Variants in TMPRSS6 observed in about 807,000 individuals in gnomAD.
TMPRSS6 encodes transmembrane protease serine 6.
A neutral mutation model predicts 101.5 loss-of-function variants in TMPRSS6; 67 were observed. That is an observed-to-expected ratio of 0.66 (90% confidence interval 0.54 to 0.81). The LOEUF is 0.81. Ranked by LOEUF, TMPRSS6 falls within the 30% of genes least tolerant of loss-of-function variation. TMPRSS6 has a pLI of 0.00. For synonymous variants in TMPRSS6, 453 were observed against 464.9 expected, an observed-to-expected ratio of 0.97 and a Z score of 0.33; for missense variants, 1,034 against 1,088.7, an observed-to-expected ratio of 0.95 and a Z score of 0.71.
Position 37,103,227 on chromosome 22 carries a change from C to CA in TMPRSS6, c.190dup (p.Trp64LeufsTer37). ...TCCCACAACGTTACCTAGGAAATAC[C>CA]AGAGTAGCACCCCCGCCGAAGCCAG... On this transcript the variant is annotated frameshift_variant, in exon 2 of 18. Transcript: ENST00000676104. LOFTEE classifies it high-confidence loss of function. The surrounding 1 kb of genome is among the most constrained non-coding windows in gnomAD (Gnocchi z 4.4). The CA allele has an allele frequency of 6.2e-7, 1 of 1,613,988 alleles. No individual in the cohort carries two copies. The highest frequency in any genetic ancestry group is 8.5e-7 in the Non-Finnish European group (1 of 1,179,892).
intron 4 of TMPRSS6, among the ~76,000 whole-genome samples, chr22:37,096,397 C>T (rs1482036167): frequency 2.0e-5 from 3 of 152,208 alleles, no homozygotes; most frequent in East Asian, 3.8e-4. Context: ...AACATCGCCT[C>T]GCCTGATGGT....
At chr22:37,091,153 C>G (rs1861751427) in intron 6 of TMPRSS6, among the ~76,000 whole-genome samples, 1 of 152,188 alleles carries the variant, frequency 6.6e-6, no homozygotes, top group Non-Finnish European at 1.5e-5. Context: ...GATCTAGGCA[C>G]CAGGGTCTGC....
intron 10 of TMPRSS6, chr22:37,082,464 TCTC>T (rs1928343835): frequency 6.3e-6 from 1 of 159,646 alleles, no homozygotes; most frequent in Admixed American, 5.7e-5. Flanking sequence ...GAAAACATGT[TCTC>T]ATCATTCGCA....
chr22:37,086,421 T>A lies in TMPRSS6; in HGVS notation c.837-2A>T, dbSNP rs1569013130. The A allele has an allele frequency of 7.1e-6, 11 of 1,559,026 alleles. No homozygotes were observed. The highest frequency in any genetic ancestry group is 9.6e-6 in the Non-Finnish European group (11 of 1,151,292). On this transcript the variant is annotated splice_acceptor_variant, in intron 7 of 17. Transcript: ENST00000676104. LOFTEE classifies it high-confidence loss of function. The stretch of plus-strand genomic sequence containing the variant: ...TCCTGGCGGCTGCAGCCGTACACCC[T>A]GGCAGAACAGAAAGGTGGCAAGGCT...
intron 17 of TMPRSS6, 144 bp from the exon 18 acceptor site, chr22:37,066,382 C>T (rs1374646548): frequency 1.4e-5 from 13 of 938,156 alleles, no homozygotes; most frequent in East Asian, 1.3e-4. Context: ...GCTTTCCCCT[C>T]GCCTGCTAAA....
intron 16 of TMPRSS6, among the ~76,000 whole-genome samples, chr22:37,068,309 C>G (rs1195327397): frequency 2.0e-5 from 3 of 152,222 alleles, no homozygotes; most frequent in African/African-American, 7.2e-5. Flanking sequence ...GGGTAAGTCA[C>G]TGTTCCTCTG....
At chr22:37,106,267 C>T (rs1260886539) in intron 1 of TMPRSS6, among the ~76,000 whole-genome samples, 1 of 152,008 alleles carries the variant, frequency 6.6e-6, no homozygotes, top group African/African-American at 2.4e-5. Context: ...TCACTGAGCC[C>T]TACTACCTCT....
In TMPRSS6 at chr22:37,084,392, C is replaced by T. The variant is rs1022762506; in HGVS notation, c.1099G>A (p.Asp367Asn). Residue 367 changes from aspartate (D) to asparagine (N), a missense_variant, in exon 10 of 18, where the codon GAC becomes AAC. Physicochemically the swap from Asp to Asn is conservative, Grantham distance 23. Transcript: ENST00000676104. Reference protein sequence around the residue: ...CSWHLTVPSLDYGLALWFDAY... With the variant: ...CSWHLTVPSLNYGLALWFDAY... Reference sequence around the variant, plus strand: ...TCAAACCAGAGGGCCAAGCCGTAGTCCAGAGAGGGCACCTGGGAGGGAGGA... The same window carrying T: ...TCAAACCAGAGGGCCAAGCCGTAGTTCAGAGAGGGCACCTGGGAGGGAGGA... 9.9e-6 allele frequency: 16 copies of T among 1,612,018 alleles called. No individual in the cohort carries two copies. Among genetic ancestry groups the T allele is most frequent in the Non-Finnish European group, 1.4e-5 (16 of 1,179,060 alleles).
intron 1 of TMPRSS6, among the ~76,000 whole-genome samples, chr22:37,106,056 T>C (rs1930693673): frequency 6.6e-6 from 1 of 152,140 alleles, no homozygotes; most frequent in Non-Finnish European, 1.5e-5. Flanking sequence ...TTTATTTCAA[T>C]TGTCTCTGTT....
At chr22:37,081,844 C>T (rs1443167242) in intron 10 of TMPRSS6, among the ~76,000 whole-genome samples, 2 of 152,356 alleles carry the variant, frequency 1.3e-5, no homozygotes, top group East Asian at 3.9e-4. Flanking sequence ...CAGTTCAGCC[C>T]ACACATTCTA....
chr22:37,067,477 A>AAAAAAAG (rs570299444), intron 16 of TMPRSS6, among the ~76,000 whole-genome samples: 1 of 149,386 alleles, frequency 6.7e-6, no homozygotes, highest in Non-Finnish European at 1.5e-5. Context: ...CAAAAAAACA[A>AAAAAAAG]AAAAAAGAAA....
At chr22:37,104,854 G>A (rs947721684) in intron 1 of TMPRSS6, among the ~76,000 whole-genome samples, 21 of 151,922 alleles carry the variant, frequency 1.4e-4, no homozygotes, top group Non-Finnish European at 5.9e-5. Context: ...CCAGCTACTC[G>A]GGAGGCTGAG....
intron 10 of TMPRSS6, among the ~76,000 whole-genome samples, chr22:37,076,688 G>A (rs187270091): frequency 8.5e-5 from 13 of 152,320 alleles, no homozygotes; most frequent in South Asian, 4.1e-4. Context: ...CACAGCAGCC[G>A]GGGGTTCCTT....
At chr22:37,074,786 C>G in intron 11 of TMPRSS6, 78 bp from the exon 12 acceptor site, 2 of 1,444,644 alleles carry the variant, frequency 1.4e-6, no homozygotes, top group Non-Finnish European at 1.9e-6. Flanking sequence ...CACAAAGACA[C>G]GCATGCACCT....
Position 37,096,665 on chromosome 22 carries a change from G to T in TMPRSS6, c.387C>A (p.Ser129Arg). 1 of 1,565,674 alleles carries T rather than the reference G, an allele frequency of 6.4e-7. No homozygotes were observed. Among genetic ancestry groups the T allele is most frequent in the Non-Finnish European group, 8.7e-7 (1 of 1,154,036 alleles). Reference protein sequence around the residue: ...STRLGTYYNSSSVYSFGEGPL... With the variant: ...STRLGTYYNSRSVYSFGEGPL... Reference sequence around the variant, plus strand: ...CAACTCACCCAAAGGAATAGACGGAGCTGGAGTTGTAGTAAGTTCCCAGGC... The same window carrying T: ...CAACTCACCCAAAGGAATAGACGGATCTGGAGTTGTAGTAAGTTCCCAGGC... Residue 129 changes from serine (S) to arginine (R), a missense_variant, in exon 4 of 18, where the codon AGC (serine) becomes AGA (arginine). By Grantham distance (110) the Ser-to-Arg change is moderately radical (BLOSUM62 -1). Transcript: ENST00000676104.
At chr22:37,082,992 T>C (rs1928384408) in intron 10 of TMPRSS6, 1 of 471,126 alleles carries the variant, frequency 2.1e-6, no homozygotes, top group South Asian at 1.5e-5. Context: ...GTGTTGGTGA[T>C]TGGGAACACA....
intron 17 of TMPRSS6, 132 bp downstream of exon 17, chr22:37,066,694 G>A: frequency 2.5e-6 from 3 of 1,202,248 alleles, no homozygotes; most frequent in South Asian, 2.6e-5. Flanking sequence ...CTGTAAAGTA[G>A]GGGTGGCCAT....
intron 2 of TMPRSS6, among the ~76,000 whole-genome samples, chr22:37,100,763 A>T (rs1247556762): frequency 6.6e-6 from 1 of 152,226 alleles, no homozygotes. Flanking sequence ...CAGGGTATAA[A>T]GGGCACTTGA....
rs1205990299 is a variant in TMPRSS6, at chr22:37,095,971, T to C, written c.524A>G (p.Asn175Ser). The C allele has an allele frequency of 1.2e-6, 2 of 1,614,064 alleles. No homozygotes were observed. The highest frequency in any genetic ancestry group is 3.3e-5 in the Admixed American group (2 of 60,006). The change falls in exon 5 of 18, where the codon AAC (asparagine) becomes AGC (serine). Residue 175 changes from asparagine to serine, a missense_variant. Coordinates refer to ENST00000676104, the MANE Select transcript of TMPRSS6 (RefSeq NM_001374504.1). ...CCTGTAGGGGACGGCAGCCGAGCTG[T>C]TGACTGTGGACAGCAGCTCCTCCAC... ...LLVEELLSTVNSSAAVPYRAE... is the reference protein window; with the variant it reads ...LLVEELLSTVSSSAAVPYRAE...
Sources: gnomAD v4.1 joint callset for allele counts (sites outside exome capture counted in the v4.1 genomes callset) on GRCh38, gnomAD v4.1.1 for gene constraint, Gnocchi (gnomAD v3.1) non-coding constraint, MANE v1.5 for transcripts, NCBI Gene and HGNC (gene_info 2026-07-23, HGNC 2026-07-21) for gene names.